The following PTPRG variants were observed in gnomAD, a reference collection of about 807,000 sequenced individuals.
PTPRG encodes the protein receptor-type tyrosine-protein phosphatase gamma.
PTPRG carries 102 observed loss-of-function variants against 165.3 expected under a neutral mutation model. The observed-to-expected ratio is 0.62, with a 90% CI of 0.53 to 0.73. PTPRG has a LOEUF of 0.73. Among genes scored for constraint, PTPRG ranks in the 30% least tolerant of loss-of-function variants. The pLI is 0.00. For missense variants in PTPRG, 1,866 were observed against 1,861.4 expected (o/e 1.00, Z -0.05); for synonymous variants, 675 against 669.5 (o/e 1.01, Z -0.13).
At chr3:62,127,890 T>C (rs766572813) in intron 5 of PTPRG, among the ~76,000 whole-genome samples, 1 of 152,110 alleles carries the variant, frequency 6.6e-6, no homozygotes, top group Non-Finnish European at 1.5e-5. Context: ...GGTAAACATA[T>C]CTCTAGAGAT....
At chr3:61,963,204 G>A (rs1272539377) in intron 2 of PTPRG, among the ~76,000 whole-genome samples, 2 of 152,020 alleles carry the variant, frequency 1.3e-5, no homozygotes, top group East Asian at 1.9e-4. Context: ...GACTTTAAGG[G>A]GTTATTAAAC....
At chr3:62,223,340 A>G (rs979358020) in intron 13 of PTPRG, among the ~76,000 whole-genome samples, 1 of 152,204 alleles carries the variant, frequency 6.6e-6, no homozygotes, top group East Asian at 1.9e-4. Context: ...GCAGCTGTGG[A>G]GCATGTGTTC....
chr3:61,797,581 A>ACCCCC (rs10541580), intron 2 of PTPRG, among the ~76,000 whole-genome samples: 29 of 127,436 alleles, frequency 2.3e-4, no homozygotes, highest in Middle Eastern at 4.2e-3. Context: ...TTATCTCCAC[A>ACCCCC]CCCCCCCCCA....
At chr3:61,569,812 T>A (rs1387126098) in intron 1 of PTPRG, among the ~76,000 whole-genome samples, 1 of 152,210 alleles carries the variant, frequency 6.6e-6, no homozygotes, top group Admixed American at 6.5e-5. Flanking sequence ...CTATGTAAGA[T>A]TACTAACAGG....
intron 2 of PTPRG, among the ~76,000 whole-genome samples, chr3:61,907,930 A>G (rs2038697966): frequency 2.0e-5 from 1 of 48,906 alleles, no homozygotes; most frequent in Non-Finnish European, 3.3e-5. Context: ...GTTTGATGCC[A>G]GCAACATAGC....
chr3:62,164,605 C>A (rs368213672), intron 7 of PTPRG, among the ~76,000 whole-genome samples: 2 of 152,198 alleles, frequency 1.3e-5, no homozygotes, highest in African/African-American at 4.8e-5. Context: ...ACTCCCAGAA[C>A]CATCACATCC....
Position 61,616,020 on chromosome 3 carries a change from G to A in PTPRG, c.85+53648G>A, listed in dbSNP as rs139269863. On this transcript the variant is annotated intron_variant, in intron 1 of 29. Coordinates refer to ENST00000474889, the MANE Select transcript of PTPRG (RefSeq NM_002841.4). The stretch of plus-strand genomic sequence containing the variant: ...GGCTGGAGTGCAGTGGCACAATCTC[G>A]GCTCACTGCAACCTCCGCCTTCTGG... Among the ~76,000 whole-genome samples, 519 of 152,258 alleles carry A rather than the reference G, an allele frequency of 3.4e-3. 3 individuals carry two copies. Among genetic ancestry groups the A allele is most frequent in the African/African-American group, 0.012 (483 of 41,550 alleles).
At chr3:62,171,205 A>T (rs1020389365) in intron 8 of PTPRG, among the ~76,000 whole-genome samples, 5 of 152,164 alleles carry the variant, frequency 3.3e-5, no homozygotes, top group South Asian at 2.1e-4. Flanking sequence ...AGTCTGGGTG[A>T]TTACGAAAAC....
chr3:61,738,019 C>T (rs1362482599), intron 1 of PTPRG, among the ~76,000 whole-genome samples: 2 of 150,002 alleles, frequency 1.3e-5, no homozygotes, highest in African/African-American at 4.9e-5. Context: ...CGCCATTCTC[C>T]TGCCTCAGCC....
At chr3:61,955,104 G>C (rs913449017) in intron 2 of PTPRG, among the ~76,000 whole-genome samples, 2 of 152,130 alleles carry the variant, frequency 1.3e-5, no homozygotes, top group Admixed American at 6.6e-5. Flanking sequence ...CTGTGGTTTA[G>C]GCTGAAAACA....
In PTPRG at chr3:62,033,745, T is replaced by A. The variant is rs78352221; in HGVS notation, c.519+30248T>A. ...ACTACCATGACTACTCTTTTGAGGT[T>A]TCCAGCAACCCTCATTGTTGACTGA... On this transcript the variant is annotated intron_variant, in intron 4 of 29. Coordinates refer to ENST00000474889, the MANE Select transcript of PTPRG (RefSeq NM_002841.4). 5.2e-3 allele frequency among the ~76,000 whole-genome samples: 789 copies of A among 152,152 alleles called. 12 individuals are homozygous for A. The highest frequency in any genetic ancestry group is 0.018 in the African/African-American group (755 of 41,542).
intron 2 of PTPRG, among the ~76,000 whole-genome samples, chr3:61,845,244 G>GT (rs2036774530): frequency 6.6e-6 from 1 of 152,140 alleles, no homozygotes; most frequent in East Asian, 1.9e-4. Context: ...AACTGTCAAG[G>GT]TTTTTAATGG....
At chr3:61,626,898 A>G (rs1455731998) in intron 1 of PTPRG, among the ~76,000 whole-genome samples, 2 of 152,210 alleles carry the variant, frequency 1.3e-5, no homozygotes, top group Non-Finnish European at 2.9e-5. Flanking sequence ...ATACAGCCTG[A>G]TGTAAAATGG....
At chr3:61,911,171 T>C (rs17065593) in intron 2 of PTPRG, among the ~76,000 whole-genome samples, 18,680 of 152,202 alleles carry the variant, frequency 0.12, 1,678 homozygotes, top group East Asian at 0.48. Flanking sequence ...TCAATACTTA[T>C]GAACTGATAC....
chr3:62,136,517 G>C (rs914209271), intron 6 of PTPRG, among the ~76,000 whole-genome samples: 5 of 152,164 alleles, frequency 3.3e-5, no homozygotes. Context: ...CTGAGAAGAA[G>C]CTCCAAAGCA....
chr3:61,751,506 T>G (rs1306884112), intron 2 of PTPRG, among the ~76,000 whole-genome samples: 1 of 152,192 alleles, frequency 6.6e-6, no homozygotes. Context: ...CCTAAGATAA[T>G]GCCATGGGTG....
intron 8 of PTPRG, among the ~76,000 whole-genome samples, chr3:62,186,684 G>T (rs568107872): frequency 6.7e-6 from 1 of 149,144 alleles, no homozygotes. Flanking sequence ...TTCCACCTTA[G>T]CCTCCTGAGT....
At chr3:61,946,683 G>T (rs1282722874) in intron 2 of PTPRG, among the ~76,000 whole-genome samples, 3 of 152,182 alleles carry the variant, frequency 2.0e-5, no homozygotes, top group African/African-American at 7.2e-5. Context: ...AAATACCTGT[G>T]TTCAGTAATT....
chr3:62,057,531 C>T (rs1700672251), intron 4 of PTPRG, among the ~76,000 whole-genome samples: 1 of 152,188 alleles, frequency 6.6e-6, no homozygotes, highest in African/African-American at 2.4e-5. Context: ...TGGCCCCAGG[C>T]CAGTAATGTG....
Sources: allele counts gnomAD v4.1 joint callset (sites outside exome capture counted in the v4.1 genomes callset), GRCh38; gene constraint gnomAD v4.1.1; transcripts MANE v1.5; gene names NCBI Gene and HGNC (gene_info 2026-07-23, HGNC 2026-07-21).